L3MBTL4: variants seen among roughly 807,000 people sequenced by gnomAD.
L3MBTL4 encodes lethal(3)malignant brain tumor-like protein 4.
A neutral mutation model predicts 84.5 loss-of-function variants in L3MBTL4; 70 were observed. That is an observed-to-expected ratio of 0.83 (90% confidence interval 0.68 to 1.01). The LOEUF (loss-of-function observed/expected upper bound fraction) is 1.01, where lower values mean the gene tolerates loss of function less well. Among genes scored for constraint, L3MBTL4 ranks in the 50% least tolerant of loss-of-function variants. The probability of loss-of-function intolerance (pLI) is 0.00; values close to 1 mark genes in which losing one functional copy is unlikely to be tolerated. For missense variants in L3MBTL4, 715 were observed against 754.8 expected, an observed-to-expected ratio of 0.95 and a Z score of 0.62; for synonymous variants, 274 against 259.8, an observed-to-expected ratio of 1.05 and a Z score of -0.52.
At chr18:6,200,298 C>T (rs981521826) in intron 12 of L3MBTL4, among the ~76,000 whole-genome samples, 5 of 152,194 alleles carry the variant, frequency 3.3e-5, no homozygotes, top group African/African-American at 1.2e-4. Flanking sequence ...CACTGATAAG[C>T]ACACACTAGA....
At position 6,311,609 on chromosome 18, in the gene L3MBTL4, C is replaced by T. The variant is rs778730216; in HGVS notation, c.17G>A (p.Arg6Lys). 8 of 1,613,582 alleles carry T rather than the reference C, an allele frequency of 5.0e-6. No individual in the cohort carries two copies. In the African/African-American group the frequency reaches 9.3e-5, roughly 19 times the overall value. Residue 6 changes from arginine to lysine, a missense_variant, in exon 3 of 19, where the codon AGG becomes AAG. Coordinates refer to ENST00000317931, the MANE Select transcript of L3MBTL4 (RefSeq NM_001330559.2). The part of the protein sequence containing the change: MKQPN[R>K]KRKLNMDSKE... ...GGAATCCATATTAAGCTTCCTTTTC[C>T]TGTTGGGCTGTTTCATTGCCACCCC...
chr18:6,037,246 G>A (rs1020099096), intron 16 of L3MBTL4, among the ~76,000 whole-genome samples: 4 of 152,348 alleles, frequency 2.6e-5, no homozygotes, highest in Non-Finnish European at 4.4e-5. Context: ...AGGGGTGGGA[G>A]TGTGAAATGG....
intron 13 of L3MBTL4, among the ~76,000 whole-genome samples, chr18:6,167,994 C>A (rs1433067778): frequency 2.0e-5 from 3 of 152,142 alleles, no homozygotes; most frequent in Admixed American, 1.3e-4. Context: ...GATACAAAAT[C>A]AATGTGCAAA....
intron 1 of L3MBTL4, among the ~76,000 whole-genome samples, chr18:6,410,066 T>C (rs1360467523): frequency 2.0e-5 from 3 of 151,908 alleles, no homozygotes; most frequent in Admixed American, 6.6e-5. Context: ...ATACCTGCAA[T>C]GGCATCCTAA....
intron 4 of L3MBTL4, among the ~76,000 whole-genome samples, chr18:6,292,822 G>C (rs73387614): frequency 0.19 from 28,624 of 151,892 alleles, 2,804 homozygotes; most frequent in African/African-American, 0.24. Context: ...CTGAAGCCAC[G>C]TGCCATAACC....
intron 1 of L3MBTL4, among the ~76,000 whole-genome samples, chr18:6,327,124 T>A (rs985462049): frequency 2.6e-5 from 4 of 152,148 alleles, no homozygotes; most frequent in African/African-American, 9.7e-5. Flanking sequence ...GCTCACCAAG[T>A]GTTGAAGCGA....
chr18:6,295,095 A>C (rs1045489160), intron 4 of L3MBTL4, among the ~76,000 whole-genome samples: 4 of 152,030 alleles, frequency 2.6e-5, no homozygotes, highest in South Asian at 2.1e-4. Context: ...AACACAGTGA[A>C]ACCCCATTTC....
At chr18:6,095,446 G>A (rs1321045944) in intron 14 of L3MBTL4, among the ~76,000 whole-genome samples, 2 of 149,314 alleles carry the variant, frequency 1.3e-5, no homozygotes, top group Non-Finnish European at 2.9e-5. Flanking sequence ...CGCCTCCCGG[G>A]TTCACGCCAT....
chr18:6,025,876 G>A (rs1463485310), intron 16 of L3MBTL4, among the ~76,000 whole-genome samples: 1 of 152,246 alleles, frequency 6.6e-6, no homozygotes, highest in Non-Finnish European at 1.5e-5. Context: ...CTCACTTCCT[G>A]CTGCGCAGCC....
intron 17 of L3MBTL4, among the ~76,000 whole-genome samples, chr18:5,968,710 A>G (rs2052479047): frequency 6.7e-6 from 1 of 149,140 alleles, no homozygotes; most frequent in African/African-American, 2.5e-5. Context: ...ATAAAATAAA[A>G]TAAAATAAAA....
chr18:5,996,905 T>C (rs2053998050), intron 16 of L3MBTL4, among the ~76,000 whole-genome samples: 1 of 152,160 alleles, frequency 6.6e-6, no homozygotes, highest in Non-Finnish European at 1.5e-5. Flanking sequence ...TAGCTCTTAA[T>C]AGTTTTATTT....
intron 17 of L3MBTL4, among the ~76,000 whole-genome samples, chr18:5,962,585 G>A (rs1363366403): frequency 6.6e-6 from 1 of 152,216 alleles, no homozygotes; most frequent in Non-Finnish European, 1.5e-5. Flanking sequence ...GCTGACTGCA[G>A]TCCAGGCATC....
intron 16 of L3MBTL4, among the ~76,000 whole-genome samples, chr18:6,074,096 C>G (rs2146024219): frequency 6.6e-6 from 1 of 151,962 alleles, no homozygotes; most frequent in East Asian, 1.9e-4. Flanking sequence ...TTGTTTTTTG[C>G]CAGCATCACT....
At position 6,305,966 on chromosome 18, in the gene L3MBTL4, G is replaced by T. The variant is rs180935835; in HGVS notation, c.73-4009C>A. ...TGGAACTGCCAGATAATACCCCTTT[G>T]CTCTCCTTTGCTGTCAGACCAAAGA... On this transcript the variant is annotated intron_variant, in intron 3 of 18. Coordinates refer to ENST00000317931, the MANE Select transcript of L3MBTL4 (RefSeq NM_001330559.2). Among the ~76,000 whole-genome samples, 14 of 152,260 alleles carry T rather than the reference G, an allele frequency of 9.2e-5. No homozygotes were observed. In the East Asian group the frequency reaches 2.3e-3, roughly 25 times the overall value.
chr18:6,256,259 GA>G (rs1200534500), intron 5 of L3MBTL4, among the ~76,000 whole-genome samples: 1 of 152,156 alleles, frequency 6.6e-6, no homozygotes, highest in Non-Finnish European at 1.5e-5. Flanking sequence ...GGCATAGATA[GA>G]AAAATTCCAT....
At chr18:5,992,985 G>A (rs1415025176) in intron 16 of L3MBTL4, among the ~76,000 whole-genome samples, 2 of 152,172 alleles carry the variant, frequency 1.3e-5, no homozygotes, top group East Asian at 1.9e-4. Context: ...ATCTGATTTC[G>A]ATTCCAGAAA....
chr18:6,228,517 A>G (rs1017245413), intron 10 of L3MBTL4, among the ~76,000 whole-genome samples: 1 of 152,220 alleles, frequency 6.6e-6, no homozygotes, highest in Non-Finnish European at 1.5e-5. Context: ...CTGTCTCCAG[A>G]ATATATTAAG....
chr18:6,177,743 T>C (rs757840246), intron 12 of L3MBTL4, among the ~76,000 whole-genome samples: 7 of 152,226 alleles, frequency 4.6e-5, no homozygotes, highest in Non-Finnish European at 1.0e-4. Context: ...ACCCTAGGAC[T>C]GTCAGTACCA....
At chr18:6,004,997 A>ATTTTTTTTTTTTTTTTTTTTTTTT (rs60294342) in intron 16 of L3MBTL4, among the ~76,000 whole-genome samples, 6 of 52,156 alleles carry the variant, frequency 1.2e-4, no homozygotes, top group Admixed American at 3.5e-4. Context: ...TAAGATGATA[A>ATTTTTTTTTTTTTTTTTTTTTTTT]TTTTTTTTTT....
Sources: allele counts gnomAD v4.1 joint callset (sites outside exome capture counted in the v4.1 genomes callset), GRCh38; gene constraint gnomAD v4.1.1; transcripts MANE v1.5; gene names NCBI Gene and HGNC (gene_info 2026-07-23, HGNC 2026-07-21).